The following BST1 variants were observed in gnomAD, a reference collection of about 807,000 sequenced individuals.
The protein encoded by BST1 is bone marrow stromal cell antigen 1.
A neutral mutation model predicts 40.6 loss-of-function variants in BST1; 49 were observed. The observed-to-expected ratio is 1.21, with a 90% CI of 0.96 to 1.53. The LOEUF is 1.53. BST1 is among the 40% of genes most tolerant of loss of function. The pLI is 0.00. For missense variants in BST1, 423 were observed against 395.9 expected, an observed-to-expected ratio of 1.07 and a Z score of -0.58; for synonymous variants, 157 against 159.3, an observed-to-expected ratio of 0.99 and a Z score of 0.11.
chr4:15,743,366 G>C, the BST1 span: 1 of 336,214 alleles, frequency 3.0e-6, no homozygotes, highest in Admixed American at 3.9e-5. Context: ...CGGTGGATGA[G>C]ACTAATCTGT....
chr4:15,731,675 T>C, intron 8 of BST1, 65 bp from the exon 9 acceptor site: 4 of 1,538,974 alleles, frequency 2.6e-6, no homozygotes, highest in Non-Finnish European at 3.5e-6. Context: ...ACTGCACATA[T>C]ATTTTTGAGC....
the BST1 span, among the ~76,000 whole-genome samples, chr4:15,744,594 C>T: frequency 6.6e-6 from 1 of 152,158 alleles, no homozygotes; most frequent in African/African-American, 2.4e-5. Flanking sequence ...CAAACCATAT[C>T]ACATTCCAAA....
chr4:15,704,525 G>A (rs1350542628), intron 1 of BST1, among the ~76,000 whole-genome samples: 1 of 147,044 alleles, frequency 6.8e-6, no homozygotes, highest in Non-Finnish European at 1.5e-5. Context: ...TGTGTGTGTG[G>A]TCTATAGGTG....
intron 8 of BST1, among the ~76,000 whole-genome samples, chr4:15,729,222 C>T (rs775661888): frequency 1.3e-5 from 2 of 152,042 alleles, no homozygotes; most frequent in African/African-American, 4.8e-5. Flanking sequence ...GAGTTCAGTG[C>T]GGGAGGATCA....
the BST1 span, among the ~76,000 whole-genome samples, chr4:15,752,308 G>C: frequency 1.3e-5 from 2 of 152,068 alleles, no homozygotes; most frequent in African/African-American, 2.4e-5. Flanking sequence ...TGGGGCTATG[G>C]TTTTAAATGA....
At chr4:15,764,897 T>TGTGTGTGTGTG in the BST1 span, among the ~76,000 whole-genome samples, 3 of 132,962 alleles carry the variant, frequency 2.3e-5, no homozygotes, top group Middle Eastern at 3.8e-3. Context: ...TGTGTGTGTG[T>TGTGTGTGTGTG]TTTGCAAAGT....
Position 15,718,912 on chromosome 4 carries a change from C to A in BST1, c.710C>A (p.Ser237Tyr). 2 of 1,613,710 alleles carry A rather than the reference C, an allele frequency of 1.2e-6. No homozygotes were observed. The highest frequency in any genetic ancestry group is 1.7e-6 in the Non-Finnish European group (2 of 1,179,792). The change falls in exon 7 of 9, where the codon TCC (serine) becomes TAC (tyrosine). Residue 237 changes from serine (S) to tyrosine (Y), a missense_variant. Transcript: ENST00000265016. ...MHEIGGPNVE[S>Y]CGEGSMKVLE... ...TATATATTTTCATGTTTTAGGGAAT[C>A]CTGCGGGGAAGGCAGCATGAAAGTC...
At chr4:15,752,419 G>A in the BST1 span, among the ~76,000 whole-genome samples, 8 of 150,786 alleles carry the variant, frequency 5.3e-5, no homozygotes, top group South Asian at 2.1e-4. Context: ...ACAGAGTTTC[G>A]CTCTTATTGC....
chr4:15,722,062 T>C (rs1219150444), intron 7 of BST1, among the ~76,000 whole-genome samples: 1 of 152,168 alleles, frequency 6.6e-6, no homozygotes, highest in Admixed American at 6.5e-5. Context: ...ATCTTCTCCC[T>C]CTGTTGTGCA....
chr4:15,729,538 T>A (rs904795069), intron 8 of BST1, among the ~76,000 whole-genome samples: 1 of 152,086 alleles, frequency 6.6e-6, no homozygotes, highest in African/African-American at 2.4e-5. Flanking sequence ...GTGTGACAAA[T>A]CCTTAAGAGT....
At position 15,705,417 on chromosome 4, in the gene BST1, T is replaced by C. The variant is rs189460760; in HGVS notation, c.189-98T>C. The C allele has an allele frequency of 2.6e-3, 3,591 of 1,375,068 alleles. 12 individuals are homozygous for C. Among genetic ancestry groups the C allele is most frequent in the Non-Finnish European group, 3.1e-3 (3,162 of 1,014,192 alleles). The allele number at this position is 1,375,068 out of a possible 1,614,324, so 85.2% of individuals were successfully genotyped here. Reference sequence around the variant, plus strand: ...TAAGCCTACTTCTGCAGTTACTATATGAAAAATCTCTTGTAAAGCTCTTAG... The same window carrying C: ...TAAGCCTACTTCTGCAGTTACTATACGAAAAATCTCTTGTAAAGCTCTTAG... On this transcript the variant is annotated intron_variant, in intron 1 of 8. Coordinates refer to ENST00000265016, the MANE Select transcript of BST1 (RefSeq NM_004334.3).
rs1719624216 is a variant in BST1 at position 15,703,083 on chromosome 4, C to A, written c.-62C>A. ...GCCCTGCATCAGTTTGCGGAACCGC[C>A]TTGGTAGAAGGAGAGAAGGGGAGTG... On this transcript the variant is annotated 5_prime_UTR_variant, in exon 1 of 9. Coordinates refer to ENST00000265016, the MANE Select transcript of BST1 (RefSeq NM_004334.3). 2 of 1,500,800 alleles carry A rather than the reference C, an allele frequency of 1.3e-6. No homozygotes were observed. The highest frequency in any genetic ancestry group is 2.3e-5 in the Admixed American group (1 of 43,474). 93.0% of individuals were successfully genotyped at this position (1,500,800 alleles called of 1,614,324 possible).
chr4:15,715,250 C>T (rs1249480654), intron 4 of BST1, 35 bp from the exon 5 acceptor site: 1 of 1,590,780 alleles, frequency 6.3e-7, no homozygotes, highest in African/African-American at 1.3e-5. Context: ...AATGTCACGT[C>T]TTTATTTGCT....
chr4:15,715,510 T>A, intron 5 of BST1, 149 bp downstream of exon 5: 1 of 885,722 alleles, frequency 1.1e-6, no homozygotes. Context: ...AATGACCTGG[T>A]GATCAGAGCC....
At chr4:15,741,505 G>A (rs1721741927), downstream of BST1, among the ~76,000 whole-genome samples, 1 of 152,094 alleles carries the variant, frequency 6.6e-6, no homozygotes, top group Non-Finnish European at 1.5e-5. Flanking sequence ...CCTCCAAGGG[G>A]CTTACAACAT....
At chr4:15,737,712 C>T, downstream of BST1, 12 of 1,078,776 alleles carry the variant, frequency 1.1e-5, no homozygotes, top group Non-Finnish European at 1.5e-5. Context: ...TCGTAGGTAC[C>T]AGGTACCTTA....
downstream of BST1, among the ~76,000 whole-genome samples, chr4:15,742,323 T>C (rs2148901917): frequency 6.6e-6 from 1 of 152,272 alleles, no homozygotes; most frequent in Admixed American, 6.5e-5. Context: ...TCTCACTGTC[T>C]TAGTTCCCTT....
At position 15,732,186 on chromosome 4, in the gene BST1, T is replaced by C. The variant is rs531873063; in HGVS notation, c.*341T>C. 3 of 1,011,938 alleles carry C rather than the reference T, an allele frequency of 3.0e-6. No homozygotes were observed. In the South Asian group the frequency reaches 1.0e-4, roughly 34 times the overall value. 62.7% of individuals were successfully genotyped at this position (1,011,938 alleles called of 1,614,324 possible). A position where few individuals can be genotyped will look rare whatever the true frequency, so the allele number is the denominator to read the frequency against. ...GTATTTTACATCATCTATATTTTCCTATATCTCCAGCAGCACGGACACTGC... is the reference window on the plus strand; with the variant it reads ...GTATTTTACATCATCTATATTTTCCCATATCTCCAGCAGCACGGACACTGC... On this transcript the variant is annotated 3_prime_UTR_variant, in exon 9 of 9. Transcript: ENST00000265016.
the BST1 span, among the ~76,000 whole-genome samples, chr4:15,753,982 G>C: frequency 6.6e-5 from 10 of 152,178 alleles, no homozygotes; most frequent in African/African-American, 2.4e-4. Flanking sequence ...ATGGATAACC[G>C]GACCTCAGTC....
Sources: gnomAD v4.1 joint callset for allele counts (sites outside exome capture counted in the v4.1 genomes callset) on GRCh38, gnomAD v4.1.1 for gene constraint, MANE v1.5 for transcripts, NCBI Gene and HGNC (gene_info 2026-07-23, HGNC 2026-07-21) for gene names.